Variants in NUP210L observed in about 807,000 individuals in gnomAD.
NUP210L encodes nucleoporin 210 like, also known as nuclear pore membrane glycoprotein 210-like.
In NUP210L, 74 loss-of-function variants were observed where a neutral mutation model predicts 208.5. The observed-to-expected ratio is 0.35, with a 90% confidence interval of 0.29 to 0.43. The LOEUF is 0.43. Ranked by LOEUF, NUP210L falls within the 20% of genes least tolerant of loss-of-function variation. The pLI is 1.00. For missense variants in NUP210L, 1,843 were observed against 2,289.4 expected (o/e 0.81, Z 3.98); for synonymous variants, 780 against 816.9 (o/e 0.95, Z 0.77).
exon 33 of NUP210L, chr1:154,019,063 G>C: frequency 1.9e-6 from 3 of 1,613,946 alleles, no homozygotes; most frequent in Non-Finnish European, 2.5e-6. Context: ...CCATATCCCA[G>C]GTTCACCTAG....
intron 2 of NUP210L, among the ~76,000 whole-genome samples, chr1:154,149,568 G>T (rs187902697): frequency 7.9e-5 from 12 of 152,196 alleles, no homozygotes; most frequent in Non-Finnish European, 1.2e-4. Flanking sequence ...AACTAGCCAG[G>T]CCTGGTGGTG....
intron 34 of NUP210L, among the ~76,000 whole-genome samples, chr1:154,011,223 A>AT (rs752847076): frequency 0.028 from 3,830 of 139,120 alleles, 72 homozygotes; most frequent in African/African-American, 0.046. Context: ...CGGTGGCTAG[A>AT]TTTTTTTTTT....
intron 27 of NUP210L, among the ~76,000 whole-genome samples, chr1:154,037,238 G>T (rs1259103218): frequency 1.3e-5 from 2 of 152,224 alleles, no homozygotes; most frequent in South Asian, 2.1e-4. Flanking sequence ...AAGTTTCTTT[G>T]TTGATTTTCT....
intron 33 of NUP210L, among the ~76,000 whole-genome samples, chr1:154,017,888 T>C (rs1651349846): frequency 6.6e-6 from 1 of 152,184 alleles, no homozygotes; most frequent in Admixed American, 6.6e-5. Context: ...TTTCTTTCTT[T>C]TTCCATTTGC....
intron 12 of NUP210L, among the ~76,000 whole-genome samples, chr1:154,115,134 C>A (rs567856583): frequency 2.0e-5 from 3 of 152,190 alleles, no homozygotes; most frequent in Non-Finnish European, 4.4e-5. Context: ...GTCTATAGCA[C>A]CAGCAAGTAT....
chr1:153,993,766 C>T (rs936704503), intron 38 of NUP210L, among the ~76,000 whole-genome samples: 64 of 152,048 alleles, frequency 4.2e-4, no homozygotes, highest in African/African-American at 1.5e-3. Context: ...GGTGTGGTGG[C>T]GGGTGTCTGT....
intron 28 of NUP210L, among the ~76,000 whole-genome samples, chr1:154,028,156 A>G (rs1464930416): frequency 1.3e-5 from 2 of 152,224 alleles, no homozygotes; most frequent in Non-Finnish European, 2.9e-5. Context: ...CATATAAGTG[A>G]TAATTTGTTT....
chr1:154,022,998 A>G, intron 31 of NUP210L, 124 bp downstream of exon 31: 1 of 1,108,950 alleles, frequency 9.0e-7, no homozygotes, highest in Admixed American at 2.8e-5. Context: ...ATTTTTTTTA[A>G]CAAAAGAAAG....
chr1:154,023,330 A>C (rs888685141), intron 30 of NUP210L, 33 bp from the exon 31 acceptor site: 1 of 1,554,158 alleles, frequency 6.4e-7, no homozygotes. Context: ...GTACAGAGAA[A>C]GATGCACTGG....
rs572155655 is a variant in NUP210L at position 154,073,234 on chromosome 1, T to A, written c.2362-2769A>T. On this transcript the variant is annotated intron_variant, in intron 16 of 39. Coordinates refer to ENST00000368559, the Ensembl canonical transcript of NUP210L. ...AAACCACAATGTGATATCACCTTACTGCTGCAAGAATTTTTTTATTTTTTG... is the reference window on the plus strand; with the variant it reads ...AAACCACAATGTGATATCACCTTACAGCTGCAAGAATTTTTTTATTTTTTG... Among the ~76,000 whole-genome samples, 9 of 152,304 alleles carry A rather than the reference T, an allele frequency of 5.9e-5. No homozygotes were observed. The East Asian group carries it at 1.7e-3, about 29-fold the overall frequency.
intron 12 of NUP210L, among the ~76,000 whole-genome samples, chr1:154,110,607 A>G (rs1164126963): frequency 6.6e-6 from 1 of 151,464 alleles, no homozygotes; most frequent in Non-Finnish European, 1.5e-5. Context: ...GGCTGGACAC[A>G]GTGGTTCATG....
rs1415712186 is a variant in NUP210L, at chr1:154,046,286, G to A, written c.3564+3C>T. 1.2e-6 allele frequency: 2 copies of A among 1,614,060 alleles called. No homozygotes were observed. Among genetic ancestry groups the A allele is most frequent in the South Asian group, 1.1e-5 (1 of 91,070 alleles). On this transcript the variant is annotated splice_donor_region_variant and intron_variant, in intron 26 of 39. Coordinates refer to ENST00000368559, the Ensembl canonical transcript of NUP210L. ...GAGCCCTGAACAGAGCCATCATACT[G>A]ACCTTGGTAGCTGTGATGAGCCGAG...
intron 27 of NUP210L, among the ~76,000 whole-genome samples, chr1:154,040,384 A>G (rs1163835494): frequency 6.6e-6 from 1 of 151,862 alleles, no homozygotes; most frequent in East Asian, 1.9e-4. Context: ...AAAAAAAAAG[A>G]AGAAAAGAAG....
chr1:154,051,145 C>A (rs574165104), intron 25 of NUP210L, among the ~76,000 whole-genome samples: 48 of 152,290 alleles, frequency 3.2e-4, no homozygotes, highest in Middle Eastern at 3.4e-3. Context: ...CTTCCAGGAC[C>A]TTTAACTGAA....
chr1:154,012,450 T>C (rs1650981203), intron 33 of NUP210L, 80 bp from the exon 34 acceptor site: 2 of 1,376,294 alleles, frequency 1.5e-6, no homozygotes, highest in Admixed American at 2.1e-5. Flanking sequence ...TCATAACTTA[T>C]TTAACCAAAA....
chr1:153,995,312 T>A lies in NUP210L; in HGVS notation c.5387-132A>T, dbSNP rs994035270. On this transcript the variant is annotated intron_variant, in intron 37 of 39. Coordinates refer to ENST00000368559, the Ensembl canonical transcript of NUP210L. ...TGTCCCCCAGGCTGGAGGGCAGTGGTGCGATCTCAGCTCACTGCAACCTCC... is the reference window on the plus strand; with the variant it reads ...TGTCCCCCAGGCTGGAGGGCAGTGGAGCGATCTCAGCTCACTGCAACCTCC... 10 of 644,958 alleles carry A rather than the reference T, an allele frequency of 1.6e-5. No individual in the cohort carries two copies. The African/African-American group carries it at 1.8e-4, about 12-fold the overall frequency. The allele number at this position is 644,958 out of a possible 1,614,324, so 40.0% of individuals were successfully genotyped here.
chr1:154,124,195 A>C (rs1264593097), intron 10 of NUP210L, among the ~76,000 whole-genome samples: 8 of 151,192 alleles, frequency 5.3e-5, no homozygotes, highest in Admixed American at 1.3e-4. Flanking sequence ...TCAAAAAGAA[A>C]AAAAAAAAAA....
At chr1:154,109,488 G>A (rs1230655456) in intron 12 of NUP210L, among the ~76,000 whole-genome samples, 2 of 151,462 alleles carry the variant, frequency 1.3e-5, no homozygotes, top group Non-Finnish European at 1.5e-5. Context: ...AGATTATCCA[G>A]ACAGATAATC....
intron 16 of NUP210L, among the ~76,000 whole-genome samples, chr1:154,078,084 C>T (rs141021036): frequency 4.6e-5 from 7 of 151,216 alleles, no homozygotes; most frequent in African/African-American, 1.7e-4. Flanking sequence ...GTGGGCGGAT[C>T]GCTTGAGCCC....
Sources: allele counts gnomAD v4.1 joint callset (sites outside exome capture counted in the v4.1 genomes callset), GRCh38; gene constraint gnomAD v4.1.1; transcripts MANE v1.5; gene names NCBI Gene and HGNC (gene_info 2026-07-23, HGNC 2026-07-21).